PDE6G: variants seen among roughly 807,000 people sequenced by gnomAD.
PDE6G encodes the protein phosphodiesterase 6G.
In PDE6G, 10 loss-of-function variants were observed where a neutral mutation model predicts 10.9. The observed-to-expected ratio is 0.91, with a 90% confidence interval of 0.56 to 1.55. PDE6G has a LOEUF of 1.55. Ranked by LOEUF, PDE6G falls within the 40% of genes most tolerant of loss-of-function variation. The probability of loss-of-function intolerance (pLI) is 0.00; values close to 1 mark genes in which losing one functional copy is unlikely to be tolerated. For synonymous variants in PDE6G, 41 were observed against 42.8 expected (o/e 0.96, Z 0.16); for missense variants, 102 against 110.1 (o/e 0.93, Z 0.33).
rs753560049 is a variant in PDE6G at position 81,650,878 on chromosome 17, G to A, written c.*196C>T. On this transcript the variant is annotated 3_prime_UTR_variant, in exon 4 of 4. Transcript: ENST00000331056. The stretch of plus-strand genomic sequence containing the variant: ...TGAGCAGGGCCTGGCCAGCCCCTGA[G>A]GGGGCATCCTAGAGGGAGGTGGTGG... The A allele has an allele frequency of 3.0e-6, 2 of 661,154 alleles. No homozygotes were observed. The highest frequency in any genetic ancestry group is 5.6e-6 in the Non-Finnish European group (2 of 358,748). The allele number at this position is 661,154 out of a possible 1,614,324, so 41.0% of individuals were successfully genotyped here.
At chr17:81,656,257 C>A (rs2036445460) in intron 1 of PDE6G, among the ~76,000 whole-genome samples, 1 of 152,216 alleles carries the variant, frequency 6.6e-6, no homozygotes, top group African/African-American at 2.4e-5. Flanking sequence ...GTTCCCAGAC[C>A]ATCACTGGCC....
At position 81,650,964 on chromosome 17, in the gene PDE6G, G is replaced by T; in HGVS notation, c.*110C>A. ...CCTGAGGTTGCAGTCCCATCCTGGT[G>T]TCCAGGTGCCATCTGGGCTAGGGAG... On this transcript the variant is annotated 3_prime_UTR_variant, in exon 4 of 4. Coordinates refer to ENST00000331056, the MANE Select transcript of PDE6G (RefSeq NM_002602.4). 1 of 813,982 alleles carries T rather than the reference G, an allele frequency of 1.2e-6. No individual in the cohort carries two copies. Among genetic ancestry groups the T allele is most frequent in the Non-Finnish European group, 2.2e-6 (1 of 462,992 alleles). The allele number at this position is 813,982 out of a possible 1,614,324, so 50.4% of individuals were successfully genotyped here.
In PDE6G at chr17:81,653,636, C is replaced by A. The variant is rs1040707789; in HGVS notation, c.-59-272G>T. The A allele has an allele frequency of 5.1e-6, 2 of 391,892 alleles. No individual in the cohort carries two copies. Among genetic ancestry groups the A allele is most frequent in the Non-Finnish European group, 4.8e-6 (1 of 206,294 alleles). The allele number at this position is 391,892 out of a possible 1,614,324, so 24.3% of individuals were successfully genotyped here. A position where few individuals can be genotyped will look rare whatever the true frequency, so the allele number is the denominator to read the frequency against. On this transcript the variant is annotated intron_variant, in intron 1 of 3. Coordinates refer to ENST00000331056, the MANE Select transcript of PDE6G (RefSeq NM_002602.4). The surrounding 1 kb of genome is among the most constrained non-coding windows in gnomAD (Gnocchi z 5.2). ...CCCCCTGTCCTGGCCTCCCTCGCCCCGGCCCACAATCCACAGCAAACCTAG... is the reference window on the plus strand; with the variant it reads ...CCCCCTGTCCTGGCCTCCCTCGCCCAGGCCCACAATCCACAGCAAACCTAG...
At chr17:81,659,816 T>C (rs2036493407), upstream of PDE6G, among the ~76,000 whole-genome samples, 1 of 152,084 alleles carries the variant, frequency 6.6e-6, no homozygotes, top group African/African-American at 2.4e-5. Flanking sequence ...GCCGGGCACA[T>C]TGGCTCACGT....
Position 81,653,624 on chromosome 17 carries a change from C to G in PDE6G, c.-59-260G>C, listed in dbSNP as rs968003628. On this transcript the variant is annotated intron_variant, in intron 1 of 3. Coordinates refer to ENST00000331056, the MANE Select transcript of PDE6G (RefSeq NM_002602.4). The surrounding 1 kb of genome is among the most constrained non-coding windows in gnomAD (Gnocchi z 5.2). ...AGCTCCGGACTCCCCCCTGTCCTGG[C>G]CTCCCTCGCCCCGGCCCACAATCCA... 4 of 409,472 alleles carry G rather than the reference C, an allele frequency of 9.8e-6. No individual in the cohort carries two copies. The highest frequency in any genetic ancestry group is 6.1e-5 in the African/African-American group (3 of 49,312). The allele number at this position is 409,472 out of a possible 1,614,324, so 25.4% of individuals were successfully genotyped here. A position where few individuals can be genotyped will look rare whatever the true frequency, so the allele number is the denominator to read the frequency against.
At chr17:81,658,648 C>CTGGCCAACA (rs1461433431), upstream of PDE6G, among the ~76,000 whole-genome samples, 5 of 152,002 alleles carry the variant, frequency 3.3e-5, no homozygotes, top group Non-Finnish European at 7.4e-5. Context: ...CAAGACCAGC[C>CTGGCCAACA]TGGCCAACAT....
rs1598717218 is a variant in PDE6G at position 81,651,788 on chromosome 17, G to T, written c.147-103C>A. 3 of 1,320,050 alleles carry T rather than the reference G, an allele frequency of 2.3e-6. No individual in the cohort carries two copies. Among genetic ancestry groups the T allele is most frequent in the East Asian group, 5.0e-5 (2 of 40,398 alleles). The allele number at this position is 1,320,050 out of a possible 1,614,324, so 81.8% of individuals were successfully genotyped here. ...GCCTTCCTAGGAGATGAGGTGTTTGGCTGGGAGCCCAGTGGGCAGAGACCC... is the reference window on the plus strand; with the variant it reads ...GCCTTCCTAGGAGATGAGGTGTTTGTCTGGGAGCCCAGTGGGCAGAGACCC... On this transcript the variant is annotated intron_variant, in intron 2 of 3. Transcript: ENST00000331056. The surrounding 1 kb of genome is among the most constrained non-coding windows in gnomAD (Gnocchi z 4.8).
At chr17:81,652,205 CGT>C (rs1453416453) in intron 2 of PDE6G, among the ~76,000 whole-genome samples, 1 of 151,592 alleles carries the variant, frequency 6.6e-6, no homozygotes, top group African/African-American at 2.4e-5. Context: ...GCGAGATGCC[CGT>C]GTGTGCGCAT....
chr17:81,654,645 G>A (rs1032066039), intron 1 of PDE6G, among the ~76,000 whole-genome samples: 4 of 151,988 alleles, frequency 2.6e-5, no homozygotes, highest in African/African-American at 9.7e-5. Flanking sequence ...GCCTCCCAAA[G>A]TGCAGGGATT....
upstream of PDE6G, chr17:81,656,736 G>A: frequency 1.5e-6 from 1 of 665,364 alleles, no homozygotes; most frequent in African/African-American, 1.8e-5. Context: ...GGGACAGGGA[G>A]AGAAGTGTGA....
chr17:81,656,640 G>A (rs972196054), upstream of PDE6G: 5 of 707,476 alleles, frequency 7.1e-6, no homozygotes, highest in Admixed American at 2.0e-5. Context: ...CCGAGGGGGG[G>A]CACAACCACC....
upstream of PDE6G, among the ~76,000 whole-genome samples, chr17:81,657,408 G>A (rs1243062238): frequency 6.6e-6 from 1 of 152,154 alleles, no homozygotes; most frequent in Non-Finnish European, 1.5e-5. Flanking sequence ...TCTTTCCTGC[G>A]GATCCCAAAG....
rs552131783 is a variant in PDE6G at position 81,651,071 on chromosome 17, G to C, written c.*3C>G. The C allele has an allele frequency of 6.2e-7, 1 of 1,608,052 alleles. No homozygotes were observed. Among genetic ancestry groups the C allele is most frequent in the Non-Finnish European group, 8.5e-7 (1 of 1,174,484 alleles). ...AGGGTCTGGACTTCAGCAGGGCCTC[G>C]TGCTAGATGATGCCATATTGGGCCA... On this transcript the variant is annotated 3_prime_UTR_variant, in exon 4 of 4. Transcript: ENST00000331056. The surrounding 1 kb of genome is among the most constrained non-coding windows in gnomAD (Gnocchi z 4.8).
chr17:81,653,317 C>G lies in PDE6G; in HGVS notation c.-12G>C, dbSNP rs777531217. 6.2e-7 allele frequency: 1 copy of G among 1,611,502 alleles called. No individual in the cohort carries two copies. The highest frequency in any genetic ancestry group is 8.5e-7 in the Non-Finnish European group (1 of 1,179,932). On this transcript the variant is annotated 5_prime_UTR_variant, in exon 2 of 4. Coordinates refer to ENST00000331056, the MANE Select transcript of PDE6G (RefSeq NM_002602.4). The surrounding 1 kb of genome is among the most constrained non-coding windows in gnomAD (Gnocchi z 5.2). ...GGTTCCAGGTTCATGGTGAGGCTGA[C>G]GGAGACACCGCGGCAACCTTGGCTC...
At chr17:81,659,151 C>CTTT (rs779928637), upstream of PDE6G, among the ~76,000 whole-genome samples, 362 of 114,594 alleles carry the variant, frequency 3.2e-3, 10 homozygotes, top group East Asian at 5.5e-3. Flanking sequence ...CAATCCATAT[C>CTTT]TTTTTTTTTT....
chr17:81,659,598 C>A (rs532359312), upstream of PDE6G, among the ~76,000 whole-genome samples: 748 of 151,926 alleles, frequency 4.9e-3, 6 homozygotes, highest in Non-Finnish European at 7.4e-3. Flanking sequence ...GACTTCATCT[C>A]AAAAATAAAT....
chr17:81,661,562 C>T (rs1030394388), intron 1 of PDE6G, among the ~76,000 whole-genome samples: 5 of 151,988 alleles, frequency 3.3e-5, no homozygotes, highest in African/African-American at 7.3e-5. Flanking sequence ...ACTAAAAATA[C>T]GAAAATTAGC....
At chr17:81,661,894 G>A (rs1438670624) in intron 1 of PDE6G, among the ~76,000 whole-genome samples, 5 of 150,696 alleles carry the variant, frequency 3.3e-5, no homozygotes, top group Admixed American at 6.6e-5. Flanking sequence ...AGCCGGGCAT[G>A]GTGGCAGGTG....
In PDE6G at chr17:81,654,149, C is replaced by G. The variant is rs1011563657; in HGVS notation, c.-59-785G>C. On this transcript the variant is annotated intron_variant, in intron 1 of 3. Transcript: ENST00000331056. ...ACTCTGATGAAAGTCCTCTGTGGCT[C>G]CTGCTGGGAATGGGCCTGCCAGGCC... Among the ~76,000 whole-genome samples, 15 of 150,096 alleles carry G rather than the reference C, an allele frequency of 1.0e-4. 1 individual carries two copies. Among genetic ancestry groups the G allele is most frequent in the Non-Finnish European group, 1.5e-4 (10 of 66,728 alleles).
Sources: gnomAD v4.1 joint callset for allele counts (sites outside exome capture counted in the v4.1 genomes callset) on GRCh38, gnomAD v4.1.1 for gene constraint, Gnocchi (gnomAD v3.1) non-coding constraint, MANE v1.5 for transcripts, NCBI Gene and HGNC (gene_info 2026-07-23, HGNC 2026-07-21) for gene names.